Variants in CSMD1 observed in about 807,000 individuals in gnomAD.
The protein encoded by CSMD1 is CUB and Sushi multiple domains 1.
In CSMD1, 213 loss-of-function variants were observed where a neutral mutation model predicts 417.5. That is an observed-to-expected ratio of 0.51 (90% CI 0.46 to 0.57). The LOEUF (loss-of-function observed/expected upper bound fraction) is 0.57. CSMD1 is among the 20% of genes least tolerant of loss of function. The pLI is 0.00. For missense variants in CSMD1, 6,923 were observed against 4,529.7 expected (o/e 1.53, Z -15.17); for synonymous variants, 2,862 against 1,736.8 (o/e 1.65, Z -16.11).
chr8:4,127,474 AAAAAAG>A (rs1440024397), intron 3 of CSMD1, among the ~76,000 whole-genome samples: 8,300 of 113,394 alleles, frequency 0.073, 303 homozygotes, highest in Non-Finnish European at 0.12. Flanking sequence ...AAAAAAAAAA[AAAAAAG>A]AAAATCATAA....
chr8:4,059,106 T>G (rs903663432), intron 3 of CSMD1, among the ~76,000 whole-genome samples: 12 of 152,254 alleles, frequency 7.9e-5, no homozygotes, highest in African/African-American at 2.9e-4. Context: ...CAGACCACAG[T>G]GCAATCAAAC....
chr8:4,204,946 C>T (rs188342349), intron 3 of CSMD1, among the ~76,000 whole-genome samples: 119 of 152,270 alleles, frequency 7.8e-4, no homozygotes, highest in African/African-American at 2.7e-3. Context: ...AAATGTGAGC[C>T]ACTGAATCTG....
chr8:3,399,904 C>G (rs1026875926), intron 15 of CSMD1, among the ~76,000 whole-genome samples: 2 of 152,070 alleles, frequency 1.3e-5, no homozygotes, highest in East Asian at 3.9e-4. Context: ...TGTAAAATGA[C>G]CTTACATCTC....
chr8:4,098,782 T>C (rs1423520468), intron 3 of CSMD1, among the ~76,000 whole-genome samples: 2 of 152,178 alleles, frequency 1.3e-5, no homozygotes, highest in Non-Finnish European at 2.9e-5. Context: ...ATTGCAGTCA[T>C]TACTAATAAG....
At chr8:4,171,359 T>G (rs937608994) in intron 3 of CSMD1, among the ~76,000 whole-genome samples, 3 of 151,934 alleles carry the variant, frequency 2.0e-5, no homozygotes, top group African/African-American at 7.3e-5. Context: ...CTTACCTTCC[T>G]TGAATTTTCT....
intron 10 of CSMD1, among the ~76,000 whole-genome samples, chr8:3,506,299 C>A (rs1222347846): frequency 1.3e-5 from 2 of 152,184 alleles, no homozygotes; most frequent in Non-Finnish European, 2.9e-5. Flanking sequence ...GCCTCAGATT[C>A]CTACTACCCG....
rs191146710 is a variant in CSMD1, at chr8:4,260,288, A to G, written c.415+159665T>C. Among the ~76,000 whole-genome samples the G allele has an allele frequency of 1.4e-4, 21 of 152,286 alleles. No homozygotes were observed. The East Asian group carries it at 3.5e-3, about 25-fold the overall frequency. ...GTGAAATTAATGTTTGTATTTGTTCATTGAACATCAATTTCCTCTTTTATG... is the reference window on the plus strand; with the variant it reads ...GTGAAATTAATGTTTGTATTTGTTCGTTGAACATCAATTTCCTCTTTTATG... On this transcript the variant is annotated intron_variant, in intron 3 of 69. Transcript: ENST00000635120.
At chr8:3,110,629 C>A (rs1229737831) in intron 42 of CSMD1, among the ~76,000 whole-genome samples, 4 of 152,184 alleles carry the variant, frequency 2.6e-5, no homozygotes, top group Non-Finnish European at 4.4e-5. Flanking sequence ...TTAGTTAACA[C>A]TTGTGACCTG....
rs78073545 is a variant in CSMD1 at position 4,960,086 on chromosome 8, A to T, written c.85+34246T>A. ...TTACCACCATTGGGACTCTAAAAAAATTGCCAAATAATGAATACATTTTTA... is the reference window on the plus strand; with the variant it reads ...TTACCACCATTGGGACTCTAAAAAATTTGCCAAATAATGAATACATTTTTA... On this transcript the variant is annotated intron_variant, in intron 1 of 69. Transcript: ENST00000635120. 1.0e-3 allele frequency among the ~76,000 whole-genome samples: 155 copies of T among 152,324 alleles called. 3 individuals are homozygous for T. In the East Asian group the frequency reaches 0.013, roughly 13 times the overall value.
rs544069118 is a variant in CSMD1 at position 3,459,212 on chromosome 8, G to A, written c.1561+9500C>T. Among the ~76,000 whole-genome samples, 15 of 152,320 alleles carry A rather than the reference G, an allele frequency of 9.8e-5. No individual in the cohort carries two copies. The East Asian group carries it at 1.7e-3, about 18-fold the overall frequency. On this transcript the variant is annotated intron_variant, in intron 12 of 69. Coordinates refer to ENST00000635120, the MANE Select transcript of CSMD1 (RefSeq NM_033225.6). ...TGACTTGCTCTGTGGTGGCTGCACC[G>A]TGGTGGGGCACACGGGAGCCACAGG...
intron 49 of CSMD1, among the ~76,000 whole-genome samples, chr8:3,057,352 G>A (rs941161304): frequency 2.6e-4 from 39 of 152,170 alleles, no homozygotes; most frequent in African/African-American, 8.7e-4. Context: ...TATTTAGTAA[G>A]ATTATAATCA....
At chr8:4,348,394 G>A (rs528904832) in intron 3 of CSMD1, among the ~76,000 whole-genome samples, 2 of 152,022 alleles carry the variant, frequency 1.3e-5, no homozygotes, top group African/African-American at 4.8e-5. Context: ...GAACGTTGCA[G>A]GTCACAGAAC....
Position 3,894,548 on chromosome 8 carries a change from G to A in CSMD1, c.818+103355C>T, listed in dbSNP as rs143955117. On this transcript the variant is annotated intron_variant, in intron 5 of 69. Transcript: ENST00000635120. ...TAATCCTATGATAGATTCCTCAAAAGTGTACCTAAAATAGATTTCTACATC... is the reference window on the plus strand; with the variant it reads ...TAATCCTATGATAGATTCCTCAAAAATGTACCTAAAATAGATTTCTACATC... 4.5e-3 allele frequency among the ~76,000 whole-genome samples: 682 copies of A among 152,200 alleles called. 4 individuals are homozygous for A. The highest frequency in any genetic ancestry group is 0.016 in the African/African-American group (651 of 41,550).
intron 1 of CSMD1, among the ~76,000 whole-genome samples, chr8:4,974,787 G>C (rs940585599): frequency 1.3e-5 from 2 of 152,070 alleles, no homozygotes; most frequent in Non-Finnish European, 2.9e-5. Flanking sequence ...TCTTTGTCAG[G>C]AAAATATGGG....
chr8:4,842,728 T>A (rs1267202040), intron 1 of CSMD1, among the ~76,000 whole-genome samples: 1 of 152,126 alleles, frequency 6.6e-6, no homozygotes, highest in Non-Finnish European at 1.5e-5. Context: ...AACAAAAGAG[T>A]TTTTGAATGT....
intron 6 of CSMD1, among the ~76,000 whole-genome samples, chr8:3,730,037 A>C (rs529077819): frequency 1.3e-5 from 2 of 150,532 alleles, no homozygotes; most frequent in African/African-American, 4.9e-5. Flanking sequence ...AAGCGCTGCA[A>C]GTGTTTCCAC....
intron 23 of CSMD1, among the ~76,000 whole-genome samples, chr8:3,340,258 G>A (rs902819086): frequency 2.6e-5 from 4 of 152,182 alleles, no homozygotes; most frequent in African/African-American, 7.2e-5. Context: ...ATAAAGAAGA[G>A]TAGAAGGAGC....
At chr8:3,812,194 A>C (rs1382821631) in intron 5 of CSMD1, among the ~76,000 whole-genome samples, 1 of 152,218 alleles carries the variant, frequency 6.6e-6, no homozygotes, top group Non-Finnish European at 1.5e-5. Flanking sequence ...AAAAGAGACC[A>C]CATACAAACA....
Position 4,976,272 on chromosome 8 carries a change from G to A in CSMD1, c.85+18060C>T, listed in dbSNP as rs142889745. 3.9e-5 allele frequency among the ~76,000 whole-genome samples: 6 copies of A among 152,310 alleles called. No homozygotes were observed. In the East Asian group the frequency reaches 9.6e-4, roughly 24 times the overall value. On this transcript the variant is annotated intron_variant, in intron 1 of 69. Transcript: ENST00000635120. Reference sequence around the variant, plus strand: ...GTTAAGCAATACACCTGCGTAACAAGTAATAATTTATTTACAAATGTATGG... The same window carrying A: ...GTTAAGCAATACACCTGCGTAACAAATAATAATTTATTTACAAATGTATGG...
Sources: allele counts gnomAD v4.1 joint callset (sites outside exome capture counted in the v4.1 genomes callset), GRCh38; gene constraint gnomAD v4.1.1; transcripts MANE v1.5; gene names NCBI Gene and HGNC (gene_info 2026-07-23, HGNC 2026-07-21).